EPHX2: variants seen among roughly 807,000 people sequenced by gnomAD.
The protein encoded by EPHX2 is bifunctional epoxide hydrolase 2.
A neutral mutation model predicts 78.7 loss-of-function variants in EPHX2; 74 were observed. The ratio of observed to expected loss-of-function variants is 0.94; its 90% CI spans 0.78 to 1.14. The LOEUF (loss-of-function observed/expected upper bound fraction) is 1.14. Ranked by LOEUF, EPHX2 falls within the 50% of genes most tolerant of loss-of-function variation. The pLI is 0.00. For missense variants in EPHX2, 715 were observed against 702.5 expected (o/e 1.02, Z -0.20); for synonymous variants, 251 against 255.2 (o/e 0.98, Z 0.16).
At chr8:27,547,634 T>C (rs1326128805), downstream of EPHX2, among the ~76,000 whole-genome samples, 1 of 152,190 alleles carries the variant, frequency 6.6e-6, no homozygotes, top group Non-Finnish European at 1.5e-5. Context: ...CTCAGTGCTA[T>C]ACAACGCTAG....
intron 12 of EPHX2, among the ~76,000 whole-genome samples, chr8:27,534,595 G>A (rs1234397053): frequency 1.3e-5 from 2 of 152,180 alleles, no homozygotes; most frequent in Non-Finnish European, 2.9e-5. Context: ...AGTGAGCTGA[G>A]ATTGCGCTAC....
intron 4 of EPHX2, among the ~76,000 whole-genome samples, chr8:27,506,207 T>C (rs1366444528): frequency 6.6e-6 from 1 of 152,198 alleles, no homozygotes; most frequent in East Asian, 1.9e-4. Context: ...CATGCTAATC[T>C]TGAACTCCTG....
chr8:27,541,521 T>C lies in EPHX2; in HGVS notation c.1428T>C (p.Ala476=), dbSNP rs543765722. 4.3e-6 allele frequency: 7 copies of C among 1,614,248 alleles called. No individual in the cohort carries two copies. The South Asian group carries it at 7.7e-5, about 18-fold the overall frequency. ...ACATGGAAAGGAACTGGAAGTGGGCTTGCAAAAGCTTGGGACGGAAGGTGA... is the reference window on the plus strand; with the variant it reads ...ACATGGAAAGGAACTGGAAGTGGGCCTGCAAAAGCTTGGGACGGAAGGTGA... ...YRNMERNWKW[A]CKSLGRKILI... is the part of the protein sequence containing the mutation. Residue 476 remains alanine, a synonymous_variant, in exon 16 of 19, where the codon GCT becomes GCC. Transcript: ENST00000521400.
intron 12 of EPHX2, among the ~76,000 whole-genome samples, chr8:27,535,466 A>C (rs1815182453): frequency 6.6e-6 from 1 of 151,860 alleles, no homozygotes; most frequent in Non-Finnish European, 1.5e-5. Context: ...GAACCACTGC[A>C]CCCGGCCAAG....
chr8:27,520,143 A>G (rs530032818), intron 9 of EPHX2, among the ~76,000 whole-genome samples: 2 of 150,126 alleles, frequency 1.3e-5, no homozygotes, highest in Admixed American at 6.6e-5. Flanking sequence ...TGCCCAGCCT[A>G]ATCTCTCCTT....
chr8:27,516,963 A>T (rs1442382523), intron 8 of EPHX2, among the ~76,000 whole-genome samples: 1 of 133,210 alleles, frequency 7.5e-6, no homozygotes, highest in Non-Finnish European at 1.5e-5. Context: ...TCTGTCACCC[A>T]GGCTAGAGTG....
At chr8:27,525,318 G>T in intron 11 of EPHX2, 44 bp from the exon 12 acceptor site, 1 of 1,561,254 alleles carries the variant, frequency 6.4e-7, no homozygotes, top group Admixed American at 1.7e-5. Context: ...TTGTAAGACT[G>T]TCTTCTTACA....
At chr8:27,491,349 C>T in intron 1 of EPHX2, 40 bp downstream of exon 1, 1 of 1,388,768 alleles carries the variant, frequency 7.2e-7, no homozygotes, top group Non-Finnish European at 9.4e-7. Context: ...GGGTCGGGGC[C>T]TCAGGAGGCA....
intron 12 of EPHX2, among the ~76,000 whole-genome samples, chr8:27,531,738 A>G (rs1468787147): frequency 6.6e-6 from 1 of 152,184 alleles, no homozygotes; most frequent in Non-Finnish European, 1.5e-5. Context: ...TCACCCACAA[A>G]ACAATAGCCA....
intron 10 of EPHX2, among the ~76,000 whole-genome samples, chr8:27,521,577 G>A (rs760682904): frequency 6.6e-6 from 1 of 152,322 alleles, no homozygotes; most frequent in South Asian, 2.1e-4. Flanking sequence ...CCAGCAGGGC[G>A]CTGTGCCTGA....
chr8:27,501,059 T>G, intron 2 of EPHX2, 49 bp downstream of exon 2: 1 of 1,527,270 alleles, frequency 6.5e-7, no homozygotes, highest in East Asian at 2.3e-5. Context: ...GTTCTCTGCC[T>G]GTGTGCCCAT....
intron 5 of EPHX2, among the ~76,000 whole-genome samples, chr8:27,510,314 T>G (rs1216206779): frequency 6.6e-6 from 1 of 152,202 alleles, no homozygotes; most frequent in African/African-American, 2.4e-5. Context: ...AAGGCTATAT[T>G]CACATACGTG....
chr8:27,501,206 C>T (rs377080165), intron 2 of EPHX2, among the ~76,000 whole-genome samples, 196 bp downstream of exon 2: 17 of 151,824 alleles, frequency 1.1e-4, no homozygotes, highest in Admixed American at 3.9e-4. Context: ...AAATGGTGAA[C>T]GAAAACTGTG....
In EPHX2 at chr8:27,526,714, C is replaced by G. The variant is rs1003488421; in HGVS notation, c.1170+1241C>G. On this transcript the variant is annotated intron_variant, in intron 12 of 18. Transcript: ENST00000521400. ...CTCTCTCCTTGGCTTGTGGGTAGTC[C>G]TCTTCTCCTTGTTTCCTCATATGGT... Among the ~76,000 whole-genome samples the G allele has an allele frequency of 4.5e-4, 68 of 152,076 alleles. 1 individual carries two copies. Among genetic ancestry groups the G allele is most frequent in the African/African-American group, 1.5e-3 (62 of 41,484 alleles).
At chr8:27,544,353 C>G in intron 18 of EPHX2, 91 bp from the exon 19 acceptor site, 1 of 1,590,326 alleles carries the variant, frequency 6.3e-7, no homozygotes, top group Non-Finnish European at 8.6e-7. Flanking sequence ...CTTAGCCACT[C>G]ATGTCACTCA....
In EPHX2 at chr8:27,536,767, T is replaced by C. The variant is rs565634716; in HGVS notation, c.1171-17T>C. On this transcript the variant is annotated splice_polypyrimidine_tract_variant and intron_variant, in intron 12 of 18. Coordinates refer to ENST00000521400, the MANE Select transcript of EPHX2 (RefSeq NM_001979.6). ...ATTTCTAGGGGGTCCTTCATTTTGC[T>C]TTCTTGATTGTTTTAGGGAGTGGCT... The C allele has an allele frequency of 1.2e-6, 2 of 1,613,940 alleles. No individual in the cohort carries two copies. Among genetic ancestry groups the C allele is most frequent in the South Asian group, 2.2e-5 (2 of 91,070 alleles).
rs201108990 is a variant in EPHX2, at chr8:27,500,932, T to C, written c.108T>C (p.Leu36=). 2 of 1,613,094 alleles carry C rather than the reference T, an allele frequency of 1.2e-6. No homozygotes were observed. The highest frequency in any genetic ancestry group is 3.3e-5 in the Admixed American group (2 of 59,838). Residue 36 remains leucine (L), a synonymous_variant, in exon 2 of 19, where the codon CTT becomes CTC. Coordinates refer to ENST00000521400, the MANE Select transcript of EPHX2 (RefSeq NM_001979.6). ...TEEALALPRG[L]LNDAFQKGGP... is the part of the protein sequence containing the mutation. ...TGTTCTTTGTGTTTTCCAGAGGACT[T>C]CTGAATGATGCTTTCCAGAAAGGGG...
At chr8:27,541,326 G>C in intron 15 of EPHX2, 147 bp from the exon 16 acceptor site, 1 of 773,800 alleles carries the variant, frequency 1.3e-6, no homozygotes, top group Non-Finnish European at 2.1e-6. Context: ...ACAGCAAGGC[G>C]TGGGTCCTGG....
intron 12 of EPHX2, among the ~76,000 whole-genome samples, chr8:27,532,574 G>A (rs1361774397): frequency 2.0e-5 from 3 of 152,072 alleles, no homozygotes; most frequent in East Asian, 1.9e-4. Flanking sequence ...GGGGGCTCCC[G>A]AGAGAGAGTC....
Sources: allele counts gnomAD v4.1 joint callset (sites outside exome capture counted in the v4.1 genomes callset), GRCh38; gene constraint gnomAD v4.1.1; transcripts MANE v1.5; gene names NCBI Gene and HGNC (gene_info 2026-07-23, HGNC 2026-07-21).